Variants in SLC37A2 observed in about 807,000 individuals in gnomAD.
SLC37A2 encodes glucose-6-phosphate exchanger SLC37A2.
In SLC37A2, 59 loss-of-function variants were observed where a neutral mutation model predicts 70.7. That is an observed-to-expected ratio of 0.83 (90% CI 0.68 to 1.04). The LOEUF is 1.04. SLC37A2 is among the 50% of genes least tolerant of loss of function. SLC37A2 has a pLI of 0.00. For missense variants in SLC37A2, 580 were observed against 658.1 expected (o/e 0.88, Z 1.30); for synonymous variants, 257 against 262.1 (o/e 0.98, Z 0.19).
chr11:125,075,651 G>A (rs1341487644), intron 1 of SLC37A2, among the ~76,000 whole-genome samples: 4 of 152,230 alleles, frequency 2.6e-5, no homozygotes, highest in East Asian at 1.9e-4. Flanking sequence ...AAGGAGCCTC[G>A]TAGCCCAAGC....
chr11:125,077,133 T>C, intron 2 of SLC37A2, 97 bp from the exon 3 acceptor site: 1 of 979,174 alleles, frequency 1.0e-6, no homozygotes, highest in Non-Finnish European at 1.5e-6. Context: ...GGACATAGAA[T>C]CTGGTAGGAG....
chr11:125,075,295 C>T (rs1019353237), intron 1 of SLC37A2, among the ~76,000 whole-genome samples: 1 of 152,190 alleles, frequency 6.6e-6, no homozygotes, highest in Admixed American at 6.5e-5. Context: ...TAGAAGTCCC[C>T]GAACTAAGAG....
At chr11:125,069,557 G>T (rs951082825) in intron 1 of SLC37A2, among the ~76,000 whole-genome samples, 1 of 152,224 alleles carries the variant, frequency 6.6e-6, no homozygotes, top group Admixed American at 6.5e-5. Flanking sequence ...TCTGTGGAGG[G>T]AGAGAATCAT....
At chr11:125,066,258 G>T (rs953161648) in intron 1 of SLC37A2, among the ~76,000 whole-genome samples, 2 of 152,204 alleles carry the variant, frequency 1.3e-5, no homozygotes, top group Non-Finnish European at 2.9e-5. Context: ...ACTCTGGCCT[G>T]CCAGGCCCAG....
rs1949140347 is a variant in SLC37A2 at position 125,080,946 on chromosome 11, T to C, written c.694+166T>C. On this transcript the variant is annotated intron_variant, in intron 7 of 17. Transcript: ENST00000403796. This position sits in a 1 kb window ranked among gnomAD's most constrained non-coding sequence, Gnocchi z 4.3. ...TATTTTCTCATTTGTAAAATAATAA[T>C]AGTAATAATAATGTCTATTTCGTAG... 6.6e-6 allele frequency among the ~76,000 whole-genome samples: 1 copy of C among 152,178 alleles called. No individual in the cohort carries two copies. The highest frequency in any genetic ancestry group is 1.5e-5 in the Non-Finnish European group (1 of 68,030).
chr11:125,069,950 G>C (rs1316457316), intron 1 of SLC37A2, among the ~76,000 whole-genome samples: 1 of 152,260 alleles, frequency 6.6e-6, no homozygotes, highest in Admixed American at 6.5e-5. Flanking sequence ...CCTGCCTTTT[G>C]TACCAGTGTC....
intron 1 of SLC37A2, among the ~76,000 whole-genome samples, chr11:125,075,699 A>G (rs1949078318): frequency 6.6e-6 from 1 of 152,180 alleles, no homozygotes; most frequent in Non-Finnish European, 1.5e-5. Context: ...TTTGTTTCCC[A>G]AGTGGTAGTG....
intron 6 of SLC37A2, 24 bp downstream of exon 6, chr11:125,079,784 G>T: frequency 6.3e-7 from 1 of 1,580,126 alleles, no homozygotes; most frequent in Non-Finnish European, 8.7e-7. Flanking sequence ...GGGAGGAGGA[G>T]TGGGAAGGAT....
chr11:125,089,924 G>A lies in SLC37A2; in HGVS notation c.*1790G>A, dbSNP rs534601430. Reference sequence around the variant, plus strand: ...GGCAGGCAGCTCCACCTGCAGCCCCGGTGCGGGATCCACTAGGTGAAGCCA... The same window carrying A: ...GGCAGGCAGCTCCACCTGCAGCCCCAGTGCGGGATCCACTAGGTGAAGCCA... On this transcript the variant is annotated 3_prime_UTR_variant, in exon 18 of 18. Transcript: ENST00000403796. 13 of 155,498 alleles carry A rather than the reference G, an allele frequency of 8.4e-5. No homozygotes were observed. Among genetic ancestry groups the A allele is most frequent in the Admixed American group, 7.8e-4 (12 of 15,424 alleles). The allele number at this position is 155,498 out of a possible 1,614,324, so 9.6% of individuals were successfully genotyped here. A position where few individuals can be genotyped will look rare whatever the true frequency, so the allele number is the denominator to read the frequency against.
intron 1 of SLC37A2, among the ~76,000 whole-genome samples, chr11:125,070,713 T>A (rs1949021771): frequency 6.6e-6 from 1 of 151,836 alleles, no homozygotes. Context: ...GAACCTGGAG[T>A]CTCAGCCCAT....
chr11:125,080,580 T>C lies in SLC37A2; in HGVS notation c.528-34T>C. ...GAACAATGTGCTTTGCTTTTTACTTTTTATACCTCTTCCCTTCTCTCCCTC... is the reference window on the plus strand; with the variant it reads ...GAACAATGTGCTTTGCTTTTTACTTCTTATACCTCTTCCCTTCTCTCCCTC... On this transcript the variant is annotated intron_variant, in intron 6 of 17. Transcript: ENST00000403796. The surrounding 1 kb of genome is among the most constrained non-coding windows in gnomAD (Gnocchi z 4.3). 7.0e-7 allele frequency: 1 copy of C among 1,434,622 alleles called. No homozygotes were observed. Among genetic ancestry groups the C allele is most frequent in the Non-Finnish European group, 9.2e-7 (1 of 1,084,396 alleles). The allele number at this position is 1,434,622 out of a possible 1,614,324, so 88.9% of individuals were successfully genotyped here.
In SLC37A2 at chr11:125,088,411, T is replaced by C. The variant is rs909098835; in HGVS notation, c.*277T>C. ...GGGCTGAGTTGTGTCTCCATTTTGA[T>C]AAGGAAAGGATATGCTCAGACTCTT... On this transcript the variant is annotated 3_prime_UTR_variant, in exon 18 of 18. Coordinates refer to ENST00000403796, the MANE Select transcript of SLC37A2 (RefSeq NM_001145290.2). 3 of 472,502 alleles carry C rather than the reference T, an allele frequency of 6.3e-6. No homozygotes were observed. The highest frequency in any genetic ancestry group is 1.9e-5 in the African/African-American group (1 of 51,550). The allele number at this position is 472,502 out of a possible 1,614,324, so 29.3% of individuals were successfully genotyped here.
chr11:125,077,461 T>C lies in SLC37A2; in HGVS notation c.247T>C (p.Tyr83His). Residue 83 changes from tyrosine to histidine, a missense_variant, in exon 4 of 18, where the codon TAT (tyrosine) becomes CAT (histidine). Transcript: ENST00000403796. ...CCATCTGCTTTCAGACAAGGACAAC[T>C]ATAAGGAGTTACTAGGGGGCGTGGA... ...CSWAPFDKDN[Y>H]KELLGGVDNA... The C allele has an allele frequency of 6.2e-7, 1 of 1,613,802 alleles. No individual in the cohort carries two copies. The highest frequency in any genetic ancestry group is 1.7e-5 in the Admixed American group (1 of 59,974).
At chr11:125,085,550 CT>C in intron 15 of SLC37A2, 26 bp from the exon 16 acceptor site, 3 of 1,613,730 alleles carry the variant, frequency 1.9e-6, no homozygotes, top group Non-Finnish European at 2.5e-6. Context: ...TGCAGGACCC[CT>C]GCTCACGAGG....
intron 6 of SLC37A2, 95 bp downstream of exon 6, chr11:125,079,855 G>T: frequency 1.0e-6 from 1 of 986,786 alleles, no homozygotes; most frequent in South Asian, 1.4e-5. Context: ...CAGAGGGAAG[G>T]GTCAGAAAGC....
At chr11:125,071,114 C>T (rs912749209) in intron 1 of SLC37A2, among the ~76,000 whole-genome samples, 1 of 152,122 alleles carries the variant, frequency 6.6e-6, no homozygotes, top group African/African-American at 2.4e-5. Context: ...GAGTCACTAA[C>T]AGACACTAAG....
chr11:125,076,954 C>A (rs1033711939), intron 2 of SLC37A2, 116 bp downstream of exon 2: 2 of 981,134 alleles, frequency 2.0e-6, no homozygotes, highest in Non-Finnish European at 3.1e-6. Flanking sequence ...CTCTCAGTGG[C>A]TGTCTTCCCC....
intron 1 of SLC37A2, among the ~76,000 whole-genome samples, chr11:125,065,930 T>G (rs1948975460): frequency 6.6e-6 from 1 of 152,194 alleles, no homozygotes; most frequent in Admixed American, 6.5e-5. Context: ...TAATATAGCC[T>G]AAGAAGAAAG....
chr11:125,085,705 TGAG>T (rs1949205857), intron 16 of SLC37A2, 31 bp downstream of exon 16: 1 of 1,602,454 alleles, frequency 6.2e-7, no homozygotes. Context: ...AGATAGGTAT[TGAG>T]GGATGCTCTG....
Sources: gnomAD v4.1 joint callset for allele counts (sites outside exome capture counted in the v4.1 genomes callset) on GRCh38, gnomAD v4.1.1 for gene constraint, Gnocchi (gnomAD v3.1) non-coding constraint, MANE v1.5 for transcripts, NCBI Gene and HGNC (gene_info 2026-07-23, HGNC 2026-07-21) for gene names.